WDR1: variants seen among roughly 807,000 people sequenced by gnomAD.
The protein encoded by WDR1 is WD repeat-containing protein 1.
Under a neutral mutation model 71.9 loss-of-function variants are expected in WDR1, and 21 were observed. The observed-to-expected ratio is 0.29, with a 90% CI of 0.21 to 0.42. The LOEUF (loss-of-function observed/expected upper bound fraction) is 0.42, where lower values mean the gene tolerates loss of function less well. Among genes scored for constraint, WDR1 ranks in the 10% least tolerant of loss-of-function variants. The probability of loss-of-function intolerance (pLI) is 1.00; values close to 1 mark genes in which losing one functional copy is unlikely to be tolerated. For missense variants in WDR1, 696 were observed against 824.5 expected, an observed-to-expected ratio of 0.84 and a Z score of 1.91; for synonymous variants, 424 against 347.4, an observed-to-expected ratio of 1.22 and a Z score of -2.45.
In WDR1 at chr4:10,078,984, A is replaced by G; in HGVS notation, c.1302T>C (p.Asp434=). ...VCIGQIVLLK[D]QRKCFSIDNP... ...TGTCGATGCTGAAGCACTTCCTCTG[A>G]TCCTTCAGCAGGACAATCTGTGGCA... Residue 434 remains aspartate, a synonymous_variant, in exon 12 of 15, where the codon GAT becomes GAC. Coordinates refer to ENST00000499869, the MANE Select transcript of WDR1 (RefSeq NM_017491.5). 6.2e-7 allele frequency: 1 copy of G among 1,608,642 alleles called. No individual in the cohort carries two copies. Among genetic ancestry groups the G allele is most frequent in the Non-Finnish European group, 8.5e-7 (1 of 1,176,900 alleles).
chr4:10,116,754 G>A lies in WDR1; in HGVS notation c.-88C>T, dbSNP rs1412270865. 3.2e-6 allele frequency: 4 copies of A among 1,238,960 alleles called. No homozygotes were observed. Among genetic ancestry groups the A allele is most frequent in the African/African-American group, 1.6e-5 (1 of 63,410 alleles). The allele number at this position is 1,238,960 out of a possible 1,614,324, so 76.7% of individuals were successfully genotyped here. ...ATTACACCTCGCCGAGGCCGAGCCC[G>A]GGGACTGGAGCCGGAAGGCGGCACC... On this transcript the variant is annotated 5_prime_UTR_variant, in exon 1 of 15. Transcript: ENST00000499869.
intron 14 of WDR1, 92 bp downstream of exon 14, chr4:10,077,212 C>CT: frequency 6.5e-7 from 1 of 1,532,266 alleles, no homozygotes; most frequent in Admixed American, 1.9e-5. Flanking sequence ...CTACTTAGCC[C>CT]TGGGGACTGA....
chr4:10,097,677 C>T, intron 5 of WDR1, 34 bp downstream of exon 5: 1 of 1,593,154 alleles, frequency 6.3e-7, no homozygotes. Context: ...CATGTACAAA[C>T]CACAAATTTC....
At chr4:10,088,802 T>G in intron 5 of WDR1, 61 bp from the exon 6 acceptor site, 4 of 1,296,110 alleles carry the variant, frequency 3.1e-6, no homozygotes, top group Non-Finnish European at 2.2e-6. Context: ...GGTTCAAGAA[T>G]GCTCTCTATG....
At chr4:10,113,536 C>T (rs1006669658) in intron 2 of WDR1, among the ~76,000 whole-genome samples, 4 of 152,178 alleles carry the variant, frequency 2.6e-5, no homozygotes, top group African/African-American at 7.2e-5. Context: ...TGGCTTTCAC[C>T]GAGGTGGGAA....
intron 12 of WDR1, 75 bp from the exon 13 acceptor site, chr4:10,078,001 C>T (rs1296600447): frequency 1.2e-5 from 17 of 1,457,910 alleles, no homozygotes; most frequent in Middle Eastern, 1.8e-4. Context: ...AAGGGGGGGT[C>T]GAGGGCTTAA....
intron 12 of WDR1, among the ~76,000 whole-genome samples, chr4:10,078,347 G>A (rs1764878835): frequency 6.6e-6 from 1 of 152,206 alleles, no homozygotes; most frequent in African/African-American, 2.4e-5. Context: ...AGAGCACTCA[G>A]GACTTGGCCA....
chr4:10,103,954 G>A lies in WDR1; in HGVS notation c.171C>T (p.His57=), dbSNP rs571032343. 5 of 1,602,744 alleles carry A rather than the reference G, an allele frequency of 3.1e-6. No homozygotes were observed. The highest frequency in any genetic ancestry group is 2.2e-5 in the East Asian group (1 of 44,446). The part of the protein sequence containing the change: ...NPALADIYTE[H]AHQVVVAKYA... ...ACTTGGCCACCACCACCTGATGGGC[G>A]TGCTCTGTGTAGATGTCAGCAAGGG... The change falls in exon 3 of 15, where the codon CAC becomes CAT. Residue 57 remains histidine, a synonymous_variant. Coordinates refer to ENST00000499869, the MANE Select transcript of WDR1 (RefSeq NM_017491.5).
chr4:10,080,160 G>A (rs1039900855), intron 11 of WDR1, among the ~76,000 whole-genome samples: 1 of 152,216 alleles, frequency 6.6e-6, no homozygotes, highest in Admixed American at 6.5e-5. Flanking sequence ...CTCCTGGGCA[G>A]CAGGCGCCAG....
chr4:10,095,559 G>A (rs891875059), intron 5 of WDR1, among the ~76,000 whole-genome samples: 5 of 152,180 alleles, frequency 3.3e-5, no homozygotes, highest in Non-Finnish European at 5.9e-5. Context: ...GAGCACGACC[G>A]CAGCTTTCCT....
At chr4:10,103,840 CCT>C (rs1307923699) in intron 3 of WDR1, 54 bp downstream of exon 3, 29 of 1,482,524 alleles carry the variant, frequency 2.0e-5, no homozygotes, top group Non-Finnish European at 2.6e-5. Context: ...CGCCCTGGGC[CCT>C]GAGCGCCACC....
intron 11 of WDR1, among the ~76,000 whole-genome samples, chr4:10,080,044 G>A (rs1347444282): frequency 6.6e-6 from 1 of 152,200 alleles, no homozygotes; most frequent in Non-Finnish European, 1.5e-5. Context: ...CAGATGCCCT[G>A]GGAGGATCAG....
intron 14 of WDR1, chr4:10,076,353 GAACTC>G (rs1169721204): frequency 1.3e-5 from 2 of 152,326 alleles, no homozygotes; most frequent in Non-Finnish European, 2.9e-5. Context: ...TCCAGATGCA[GAACTC>G]AACTATCTGC....
At chr4:10,093,137 T>A in intron 5 of WDR1, 1 of 1,289,344 alleles carries the variant, frequency 7.8e-7, no homozygotes, top group South Asian at 1.2e-5. Flanking sequence ...AGGCCCCAGC[T>A]GGCCTGTCTC....
At chr4:10,113,514 C>T (rs1713519051) in intron 2 of WDR1, among the ~76,000 whole-genome samples, 3 of 152,190 alleles carry the variant, frequency 2.0e-5, no homozygotes, top group Admixed American at 6.5e-5. Context: ...GCCGAGGCCA[C>T]GGTAAGGACT....
intron 14 of WDR1, chr4:10,075,691 CT>C: frequency 5.0e-6 from 3 of 596,200 alleles, no homozygotes; most frequent in South Asian, 4.0e-5. Context: ...CCGGGTACCT[CT>C]TTTTTGTGTG....
rs190073872 is a variant in WDR1 at position 10,110,976 on chromosome 4, G to A, written c.138+5137C>T. Among the ~76,000 whole-genome samples the A allele has an allele frequency of 2.0e-5, 3 of 152,344 alleles. No homozygotes were observed. In the East Asian group the frequency reaches 5.8e-4, roughly 29 times the overall value. On this transcript the variant is annotated intron_variant, in intron 2 of 14. Coordinates refer to ENST00000499869, the MANE Select transcript of WDR1 (RefSeq NM_017491.5). The stretch of plus-strand genomic sequence containing the variant: ...TTAGGGTATGGCTTGCCAAGACAGG[G>A]GCTTAGTGAACATGTGTGGGAAACG...
chr4:10,114,519 C>A (rs944487612), intron 2 of WDR1, among the ~76,000 whole-genome samples: 1 of 152,212 alleles, frequency 6.6e-6, no homozygotes, highest in African/African-American at 2.4e-5. Context: ...GGCCCCCTCC[C>A]TGGAAGTCAA....
Position 10,077,456 on chromosome 4 carries a change from C to A in WDR1, c.1570-8G>T. ...ATAAAAAACATTGTTCTCCTAGTTG[C>A]AGGTTGAAAACAAGAGAGGTGGCAG... On this transcript the variant is annotated splice_polypyrimidine_tract_variant and splice_region_variant and intron_variant, in intron 13 of 14. Coordinates refer to ENST00000499869, the MANE Select transcript of WDR1 (RefSeq NM_017491.5). The A allele has an allele frequency of 1.3e-5, 21 of 1,613,950 alleles. No homozygotes were observed. The highest frequency in any genetic ancestry group is 1.7e-5 in the Non-Finnish European group (20 of 1,179,854).
Sources: gnomAD v4.1 joint callset for allele counts (sites outside exome capture counted in the v4.1 genomes callset) on GRCh38, gnomAD v4.1.1 for gene constraint, MANE v1.5 for transcripts, NCBI Gene and HGNC (gene_info 2026-07-23, HGNC 2026-07-21) for gene names.